ITGAM: variants seen among roughly 807,000 people sequenced by gnomAD.
ITGAM encodes integrin subunit alpha M.
In ITGAM, 79 loss-of-function variants were observed where a neutral mutation model predicts 137.5. The observed-to-expected ratio is 0.57, with a 90% CI of 0.48 to 0.69. The LOEUF is 0.69. Among genes scored for constraint, ITGAM ranks in the 30% least tolerant of loss-of-function variants. The pLI, the probability that ITGAM is intolerant of heterozygous loss-of-function variation, is 0.00. For synonymous variants in ITGAM, 583 were observed against 592.3 expected (o/e 0.98, Z 0.23); for missense variants, 1,343 against 1,483.5 (o/e 0.91, Z 1.56).
chr16:31,315,518 C>T (rs1567275062), intron 14 of ITGAM, among the ~76,000 whole-genome samples: 1 of 151,996 alleles, frequency 6.6e-6, no homozygotes, highest in Non-Finnish European at 1.5e-5. Flanking sequence ...AGTGCAGTGG[C>T]ACGATCTCAG....
intron 12 of ITGAM, among the ~76,000 whole-genome samples, chr16:31,282,619 C>G (rs1018768357): frequency 6.6e-6 from 1 of 152,064 alleles, no homozygotes; most frequent in South Asian, 2.1e-4. Context: ...TGTCTCTGCA[C>G]GTGAGATGGG....
intron 6 of ITGAM, 127 bp downstream of exon 6, chr16:31,271,211 G>C (rs1304734613): frequency 9.5e-6 from 7 of 736,838 alleles, no homozygotes; most frequent in African/African-American, 1.8e-5. Flanking sequence ...ATTATGGTTT[G>C]CCTTCCTGAG....
chr16:31,272,812 A>G (rs2079866026), intron 7 of ITGAM, among the ~76,000 whole-genome samples: 1 of 151,884 alleles, frequency 6.6e-6, no homozygotes, highest in African/African-American at 2.4e-5. Flanking sequence ...AATAATACTC[A>G]GTTAAAAAAC....
intron 14 of ITGAM, among the ~76,000 whole-genome samples, chr16:31,307,671 C>T (rs894255212): frequency 2.0e-5 from 3 of 152,086 alleles, no homozygotes; most frequent in Non-Finnish European, 4.4e-5. Flanking sequence ...CTGGCCAGAA[C>T]TTCCAACACT....
At chr16:31,325,240 G>T (rs773475983) in intron 19 of ITGAM, 23 bp from the exon 20 acceptor site, 2 of 1,599,912 alleles carry the variant, frequency 1.3e-6, no homozygotes, top group South Asian at 1.1e-5. Context: ...CCCATCCCCC[G>T]GCCTGTCTTC....
Position 31,329,783 on chromosome 16 carries a change from C to T in ITGAM, c.2869-15C>T, listed in dbSNP as rs1297707153. The T allele has an allele frequency of 6.5e-7, 1 of 1,546,066 alleles. No homozygotes were observed. The highest frequency in any genetic ancestry group is 2.0e-5 in the Admixed American group (1 of 50,958). ...GAGGAAGGCCAGAGCCCTGACCCCG[C>T]CCTCCCCGGTGCAGGTCAGCAACCT... On this transcript the variant is annotated splice_polypyrimidine_tract_variant and intron_variant, in intron 24 of 29. Coordinates refer to ENST00000544665, the MANE Select transcript of ITGAM (RefSeq NM_000632.4).
At chr16:31,323,050 G>A (rs1047454404) in intron 16 of ITGAM, among the ~76,000 whole-genome samples, 2 of 151,716 alleles carry the variant, frequency 1.3e-5, no homozygotes, top group Non-Finnish European at 1.5e-5. Flanking sequence ...GAGAGAGAGA[G>A]AGAAAGAAAA....
At chr16:31,270,130 C>CTTTCCTTTCCTTTCCCTTCCTTTCCTT (rs770982735) in intron 5 of ITGAM, among the ~76,000 whole-genome samples, 1 of 90,748 alleles carries the variant, frequency 1.1e-5, no homozygotes, top group African/African-American at 4.3e-5. Context: ...TCCTTCCTTC[C>CTTTCCTTTCCTTTCCCTTCCTTTCCTT]TCCTTTGCTT....
chr16:31,295,243 T>C (rs1174662191), intron 12 of ITGAM, among the ~76,000 whole-genome samples: 1 of 152,212 alleles, frequency 6.6e-6, no homozygotes, highest in East Asian at 1.9e-4. Context: ...TTTAGTTTTT[T>C]TTCTATTTTT....
At position 31,331,985 on chromosome 16, in the gene ITGAM, A is replaced by ATG. The variant is rs1491171782; in HGVS notation, c.*285_*286dup. The ATG allele has an allele frequency of 2.1e-6, 1 of 483,764 alleles. No homozygotes were observed. Among genetic ancestry groups the ATG allele is most frequent in the Non-Finnish European group, 3.7e-6 (1 of 270,662 alleles). The allele number at this position is 483,764 out of a possible 1,614,324, so 30.0% of individuals were successfully genotyped here. A position where few individuals can be genotyped will look rare whatever the true frequency, so the allele number is the denominator to read the frequency against. ...TGTCCAAGTGTGTGTGCGTGTGTCCATGTGTGTGCAAGTGTGTGCATGTGT... is the reference window on the plus strand; with the variant it reads ...TGTCCAAGTGTGTGTGCGTGTGTCCATGTGTGTGTGCAAGTGTGTGCATGTGT... On this transcript the variant is annotated 3_prime_UTR_variant, in exon 30 of 30. Transcript: ENST00000544665.
At chr16:31,317,904 T>C (rs1047053234) in intron 14 of ITGAM, among the ~76,000 whole-genome samples, 1 of 152,184 alleles carries the variant, frequency 6.6e-6, no homozygotes, top group African/African-American at 2.4e-5. Context: ...TGGGATTTAG[T>C]GTCAGGATAG....
chr16:31,275,748 A>G, intron 9 of ITGAM, 49 bp downstream of exon 9: 2 of 1,598,126 alleles, frequency 1.3e-6, no homozygotes, highest in South Asian at 1.1e-5. Context: ...GCAGCCCCCC[A>G]CCCCAGAACA....
At chr16:31,267,016 C>T (rs189148515) in intron 5 of ITGAM, among the ~76,000 whole-genome samples, 5 of 152,084 alleles carry the variant, frequency 3.3e-5, no homozygotes, top group East Asian at 3.9e-4. Context: ...TACAGGTGCC[C>T]GCCACCACAC....
chr16:31,278,398 A>G (rs755345095), intron 12 of ITGAM, among the ~76,000 whole-genome samples: 1 of 152,148 alleles, frequency 6.6e-6, no homozygotes, highest in Non-Finnish European at 1.5e-5. Context: ...TTAGTTAATA[A>G]AATATTGAAA....
At chr16:31,289,525 A>G (rs2080064303) in intron 12 of ITGAM, among the ~76,000 whole-genome samples, 1 of 152,138 alleles carries the variant, frequency 6.6e-6, no homozygotes. Flanking sequence ...CAAACACTGC[A>G]TGTTCTCACT....
chr16:31,328,141 C>T lies in ITGAM; in HGVS notation c.2709-6C>T. On this transcript the variant is annotated splice_polypyrimidine_tract_variant and splice_region_variant and intron_variant, in intron 22 of 29. Coordinates refer to ENST00000544665, the MANE Select transcript of ITGAM (RefSeq NM_000632.4). Reference sequence around the variant, plus strand: ...GAGCCGGCTGGAGCTCTTTCTTTCCCTCCAGTGAGAACAACATGCCCAGAA... The same window carrying T: ...GAGCCGGCTGGAGCTCTTTCTTTCCTTCCAGTGAGAACAACATGCCCAGAA... The T allele has an allele frequency of 1.2e-6, 2 of 1,612,500 alleles. No homozygotes were observed. Among genetic ancestry groups the T allele is most frequent in the Non-Finnish European group, 1.7e-6 (2 of 1,178,570 alleles).
chr16:31,280,349 T>C (rs1208818198), intron 12 of ITGAM, among the ~76,000 whole-genome samples: 6 of 152,218 alleles, frequency 3.9e-5, no homozygotes, highest in African/African-American at 1.4e-4. Context: ...TTTCACGATA[T>C]TGATTCTTCC....
intron 12 of ITGAM, among the ~76,000 whole-genome samples, chr16:31,292,674 A>G (rs2080098484): frequency 6.6e-6 from 1 of 152,056 alleles, no homozygotes; most frequent in East Asian, 1.9e-4. Flanking sequence ...ATTGGTGGGC[A>G]TTTAGGTTGA....
intron 14 of ITGAM, among the ~76,000 whole-genome samples, chr16:31,314,760 G>A (rs9745421): frequency 0.25 from 37,943 of 151,286 alleles, 7,795 homozygotes; most frequent in African/African-American, 0.57. Flanking sequence ...CACAAGATCA[G>A]CTACAGCCAA....
Sources: allele counts gnomAD v4.1 joint callset (sites outside exome capture counted in the v4.1 genomes callset), GRCh38; gene constraint gnomAD v4.1.1; transcripts MANE v1.5; gene names NCBI Gene and HGNC (gene_info 2026-07-23, HGNC 2026-07-21).